Variants in SORD observed in about 807,000 individuals in gnomAD.
SORD encodes sorbitol dehydrogenase, also known as (R,R)-butanediol dehydrogenase.
A neutral mutation model predicts 35.6 loss-of-function variants in SORD; 18 were observed. That is an observed-to-expected ratio of 0.51 (90% CI 0.35 to 0.75). SORD has a LOEUF of 0.75. Among genes scored for constraint, SORD ranks in the 30% least tolerant of loss-of-function variants. The pLI is 0.01. For synonymous variants in SORD, 106 were observed against 152.9 expected, an observed-to-expected ratio of 0.69 and a Z score of 2.26; for missense variants, 250 against 390.2, an observed-to-expected ratio of 0.64 and a Z score of 3.03.
chr15:45,055,893 T>C (rs1893207035), intron 3 of SORD, among the ~76,000 whole-genome samples: 1 of 151,940 alleles, frequency 6.6e-6, no homozygotes, highest in Admixed American at 6.6e-5. Context: ...AAAAACCACG[T>C]GATTATCTCA....
intron 1 of SORD, among the ~76,000 whole-genome samples, chr15:45,037,636 A>C (rs979306829): frequency 2.0e-5 from 3 of 152,130 alleles, no homozygotes; most frequent in Admixed American, 2.0e-4. Context: ...AAAGAATGAG[A>C]TCATGTCTTT....
At position 45,073,460 on chromosome 15, in the gene SORD, T is replaced by C. The variant is rs761712288; in HGVS notation, c.1004T>C (p.Phe335Ser). The C allele has an allele frequency of 3.1e-5, 48 of 1,573,418 alleles. No homozygotes were observed. In the Admixed American group the frequency reaches 8.4e-4, roughly 28 times the overall value. Residue 335 changes from phenylalanine (F) to serine (S), a missense_variant, in exon 9 of 9, where the codon TTT (phenylalanine) becomes TCT (serine). Coordinates refer to ENST00000267814, the MANE Select transcript of SORD (RefSeq NM_003104.6). The part of the protein sequence containing the change: ...RFPLEKALEA[F>S]ETFKKGLGLK... ...CCTCTGGAGAAAGCTCTGGAGGCCT[T>C]TGAAACATTTAAAAAGGGATTGGGG...
intron 3 of SORD, among the ~76,000 whole-genome samples, chr15:45,048,719 C>T (rs1291540610): frequency 6.6e-6 from 1 of 151,974 alleles, no homozygotes; most frequent in Non-Finnish European, 1.5e-5. Context: ...AGTGTGGACA[C>T]CAAGAGTGAG....
intron 2 of SORD, among the ~76,000 whole-genome samples, chr15:45,042,053 G>A (rs965622641): frequency 1.1e-4 from 16 of 152,170 alleles, no homozygotes; most frequent in Admixed American, 3.9e-4. Flanking sequence ...CAAGTGCAGT[G>A]CATAGCAGAG....
intron 4 of SORD, among the ~76,000 whole-genome samples, chr15:45,061,661 A>T (rs1445556331): frequency 6.6e-6 from 1 of 151,796 alleles, no homozygotes; most frequent in Non-Finnish European, 1.5e-5. Context: ...AGATTAGGAG[A>T]TCGAGACCTT....
intron 5 of SORD, among the ~76,000 whole-genome samples, chr15:45,066,217 C>G (rs1893401922): frequency 6.8e-6 from 1 of 147,164 alleles, no homozygotes; most frequent in Non-Finnish European, 1.5e-5. Context: ...TGCACTCCAG[C>G]CTAGGTGACA....
rs1255311709 is a variant in SORD at position 45,072,991 on chromosome 15, G to A, written c.909-374G>A. ...TGTAACTCCATGCCCTCATCAGGGC[G>A]CCAGTTTTCCAGTAAGCTGAGCTGT... is the stretch of plus-strand genomic sequence containing the variant. On this transcript the variant is annotated intron_variant, in intron 8 of 8. Transcript: ENST00000267814. Among the ~76,000 whole-genome samples the A allele has an allele frequency of 1.6e-4, 22 of 134,752 alleles. 2 individuals are homozygous for A. Among genetic ancestry groups the A allele is most frequent in the Admixed American group, 5.4e-4 (8 of 14,710 alleles). 88.4% of individuals were successfully genotyped at this position (134,752 alleles called of 152,430 possible).
chr15:45,055,038 G>A (rs1335317555), intron 3 of SORD, among the ~76,000 whole-genome samples: 2 of 152,096 alleles, frequency 1.3e-5, no homozygotes, highest in African/African-American at 2.4e-5. Flanking sequence ...ATGCTGTTTT[G>A]GTTACTGTAG....
intron 3 of SORD, among the ~76,000 whole-genome samples, chr15:45,044,810 G>T (rs1326438527): frequency 6.6e-6 from 1 of 151,258 alleles, no homozygotes; most frequent in African/African-American, 2.4e-5. Context: ...TGATTCCCGT[G>T]CCTCAGCCTC....
chr15:45,034,823 G>T (rs1892834549), intron 1 of SORD, among the ~76,000 whole-genome samples: 1 of 152,276 alleles, frequency 6.6e-6, no homozygotes, highest in South Asian at 2.1e-4. Context: ...AGCTTGCAGG[G>T]AGGTGTGGAG....
At chr15:45,040,655 C>T (rs35546550) in intron 2 of SORD, among the ~76,000 whole-genome samples, 5 of 152,150 alleles carry the variant, frequency 3.3e-5, no homozygotes, top group African/African-American at 7.2e-5. Context: ...AATAAAAGAA[C>T]AGTGATAGAA....
chr15:45,038,136 CT>C (rs1566958485), intron 1 of SORD, among the ~76,000 whole-genome samples: 12 of 76,536 alleles, frequency 1.6e-4, no homozygotes, highest in African/African-American at 1.4e-3. Context: ...CCCTTCCTTC[CT>C]TCCTTCCTTC....
intron 1 of SORD, among the ~76,000 whole-genome samples, chr15:45,028,687 C>G (rs1892719986): frequency 6.7e-6 from 1 of 148,176 alleles, no homozygotes; most frequent in Admixed American, 6.7e-5. Flanking sequence ...TTAAACATTA[C>G]TCGGAGGTCC....
intron 3 of SORD, chr15:45,058,611 T>G (rs1893254562): frequency 1.3e-5 from 2 of 152,170 alleles, no homozygotes; most frequent in African/African-American, 4.8e-5. Flanking sequence ...AGCAGTCTCT[T>G]TGTCTGAGGT....
rs1235757406 is a variant in SORD, at chr15:45,057,181, G to T, written c.266-3886G>T. 2.0e-5 allele frequency among the ~76,000 whole-genome samples: 3 copies of T among 152,342 alleles called. No individual in the cohort carries two copies. The East Asian group carries it at 5.8e-4, about 29-fold the overall frequency. ...ACTGAGGAACAAATGTGAAAGTAAA[G>T]ATGCAGTAAAACTGAATTGGCTGAT... is the stretch of plus-strand genomic sequence containing the variant. On this transcript the variant is annotated intron_variant, in intron 3 of 8. Transcript: ENST00000267814.
At chr15:45,047,718 G>A (rs1283296634) in intron 3 of SORD, among the ~76,000 whole-genome samples, 10 of 152,188 alleles carry the variant, frequency 6.6e-5, no homozygotes, top group Admixed American at 3.9e-4. Flanking sequence ...AGGCCTGTGG[G>A]TCCTTTCCTG....
chr15:45,056,938 G>A lies in SORD; in HGVS notation c.266-4129G>A, dbSNP rs1893227686. Among the ~76,000 whole-genome samples the A allele has an allele frequency of 3.3e-5, 5 of 152,198 alleles. No individual in the cohort carries two copies. In the South Asian group the frequency reaches 1.0e-3, roughly 31 times the overall value. ...CTGTGGTAGAAACAATTATCCCATG[G>A]ATCCCACGTGTTAAACCATGCATAT... is the stretch of plus-strand genomic sequence containing the variant. On this transcript the variant is annotated intron_variant, in intron 3 of 8. Transcript: ENST00000267814.
chr15:45,056,375 TC>T (rs370790764), intron 3 of SORD, among the ~76,000 whole-genome samples: 11 of 152,156 alleles, frequency 7.2e-5, no homozygotes, highest in African/African-American at 2.7e-4. Flanking sequence ...ATGAGTGAAC[TC>T]CCATTCACAA....
chr15:45,045,439 A>G (rs912293233), intron 3 of SORD, among the ~76,000 whole-genome samples: 1 of 149,550 alleles, frequency 6.7e-6, no homozygotes, highest in Non-Finnish European at 1.5e-5. Context: ...AGGCTGAGGC[A>G]GGAGAATTGC....
Sources: gnomAD v4.1 joint callset for allele counts (sites outside exome capture counted in the v4.1 genomes callset) on GRCh38, gnomAD v4.1.1 for gene constraint, MANE v1.5 for transcripts, NCBI Gene and HGNC (gene_info 2026-07-23, HGNC 2026-07-21) for gene names.